Variants in MTUS2 observed in about 807,000 individuals in gnomAD.
The protein encoded by MTUS2 is microtubule-associated tumor suppressor candidate 2.
Under a neutral mutation model 114.1 loss-of-function variants are expected in MTUS2, and 40 were observed. The ratio of observed to expected loss-of-function variants is 0.35; its 90% CI spans 0.27 to 0.46. The LOEUF is 0.46. MTUS2 is among the 20% of genes least tolerant of loss of function. The probability of loss-of-function intolerance (pLI) is 1.00; values close to 1 mark genes in which losing one functional copy is unlikely to be tolerated. For missense variants in MTUS2, 1,679 were observed against 1,705.4 expected, an observed-to-expected ratio of 0.98 and a Z score of 0.27; for synonymous variants, 688 against 672.0, an observed-to-expected ratio of 1.02 and a Z score of -0.37.
At chr13:29,197,101 T>G (rs543586042) in intron 5 of MTUS2, among the ~76,000 whole-genome samples, 35 of 152,294 alleles carry the variant, frequency 2.3e-4, no homozygotes, top group African/African-American at 8.4e-4. Context: ...GTGCAGAATG[T>G]GTAGGTTTGT....
intron 8 of MTUS2, among the ~76,000 whole-genome samples, chr13:29,403,680 G>A (rs960559686): frequency 6.6e-6 from 1 of 152,156 alleles, no homozygotes; most frequent in Non-Finnish European, 1.5e-5. Context: ...CTGCCTACTG[G>A]CTCATATTGA....
At chr13:29,390,189 T>A (rs528186049) in intron 8 of MTUS2, among the ~76,000 whole-genome samples, 2 of 150,724 alleles carry the variant, frequency 1.3e-5, no homozygotes, top group Non-Finnish European at 3.0e-5. Context: ...TATGAATATA[T>A]ATTTTTTCTA....
chr13:29,244,983 T>TAAAAAAAAAAAAAAAAA (rs1156962360), intron 5 of MTUS2, among the ~76,000 whole-genome samples: 3 of 98,572 alleles, frequency 3.0e-5, no homozygotes, highest in Admixed American at 9.7e-5. Context: ...AAAAAAAAAG[T>TAAAAAAAAAAAAAAAAA]AAAAGTCTGT....
chr13:29,200,521 G>GTTTTTTTTTTTTTTTTT (rs56965083), intron 5 of MTUS2, among the ~76,000 whole-genome samples: 12 of 85,430 alleles, frequency 1.4e-4, no homozygotes, highest in East Asian at 3.4e-4. Context: ...TTCTTTTTCT[G>GTTTTTTTTTTTTTTTTT]TTTTTTTTTT....
intron 8 of MTUS2, among the ~76,000 whole-genome samples, chr13:29,373,825 A>G (rs1871371992): frequency 6.6e-6 from 1 of 152,258 alleles, no homozygotes; most frequent in Non-Finnish European, 1.5e-5. Context: ...AACACAATTT[A>G]AAACTATTTA....
chr13:29,024,315 G>C (rs1041327322), intron 2 of MTUS2, 142 bp from the exon 3 acceptor site: 1 of 211,956 alleles, frequency 4.7e-6, no homozygotes, highest in Non-Finnish European at 9.4e-6. Flanking sequence ...GAGGAGCCCT[G>C]ATCAGAAAGG....
chr13:29,300,128 A>C (rs984572050), intron 6 of MTUS2, among the ~76,000 whole-genome samples: 10 of 152,208 alleles, frequency 6.6e-5, no homozygotes, highest in Admixed American at 6.5e-4. Context: ...GCTTTCATCA[A>C]AACAATAGCA....
intron 5 of MTUS2, among the ~76,000 whole-genome samples, chr13:29,202,584 G>A (rs1018721244): frequency 2.0e-5 from 3 of 152,096 alleles, no homozygotes; most frequent in African/African-American, 7.2e-5. Flanking sequence ...AGGAGAAGAG[G>A]CATTCTGGTT....
intron 8 of MTUS2, among the ~76,000 whole-genome samples, chr13:29,419,055 A>G (rs1875885159): frequency 6.6e-6 from 1 of 152,140 alleles, no homozygotes; most frequent in Admixed American, 6.6e-5. Context: ...AGCCTGACCT[A>G]ACTTTTTGTT....
At chr13:29,367,024 T>C (rs1870779364) in intron 8 of MTUS2, among the ~76,000 whole-genome samples, 1 of 152,134 alleles carries the variant, frequency 6.6e-6, no homozygotes, top group Non-Finnish European at 1.5e-5. Context: ...GAATGGTCCA[T>C]CCTAATCATT....
chr13:29,312,112 T>C (rs1899795148), intron 6 of MTUS2, among the ~76,000 whole-genome samples: 1 of 152,196 alleles, frequency 6.6e-6, no homozygotes, highest in African/African-American at 2.4e-5. Flanking sequence ...ATACTTCATG[T>C]CTCAGCTCAA....
intron 4 of MTUS2, among the ~76,000 whole-genome samples, chr13:29,063,612 A>T (rs1888522060): frequency 6.6e-6 from 1 of 152,174 alleles, no homozygotes; most frequent in South Asian, 2.1e-4. Context: ...ATTTTTTTAA[A>T]TAGGATGAAT....
At chr13:29,413,512 C>G (rs1333600011) in intron 8 of MTUS2, among the ~76,000 whole-genome samples, 1 of 120,238 alleles carries the variant, frequency 8.3e-6, no homozygotes, top group African/African-American at 3.3e-5. Context: ...TCAGAGTGAA[C>G]AGGCAACCTA....
chr13:29,341,493 A>AT (rs935725993), intron 7 of MTUS2, among the ~76,000 whole-genome samples: 2 of 151,602 alleles, frequency 1.3e-5, no homozygotes, highest in East Asian at 1.9e-4. Flanking sequence ...TGATGGGATT[A>AT]TTTTTTTCTT....
At chr13:29,023,773 A>T (rs1886390686) in intron 2 of MTUS2, among the ~76,000 whole-genome samples, 1 of 152,144 alleles carries the variant, frequency 6.6e-6, no homozygotes, top group Admixed American at 6.5e-5. Flanking sequence ...CTCAATTTAA[A>T]TTTGCCAGAT....
At chr13:29,388,471 C>T (rs938199548) in intron 8 of MTUS2, among the ~76,000 whole-genome samples, 2 of 151,174 alleles carry the variant, frequency 1.3e-5, no homozygotes, top group Non-Finnish European at 2.9e-5. Flanking sequence ...TGAGGCTAAA[C>T]TTCCTTCTCT....
intron 2 of MTUS2, among the ~76,000 whole-genome samples, chr13:28,997,190 T>G (rs979140852): frequency 5.9e-5 from 9 of 152,180 alleles, no homozygotes; most frequent in African/African-American, 2.2e-4. Context: ...TCAGTTTCCA[T>G]GTAGTTGAGC....
chr13:29,493,518 G>A (rs545876128), intron 12 of MTUS2, among the ~76,000 whole-genome samples: 8 of 152,270 alleles, frequency 5.3e-5, no homozygotes, highest in Admixed American at 1.3e-4. Flanking sequence ...GCTGTAACAC[G>A]TAGGCAGGAA....
intron 4 of MTUS2, among the ~76,000 whole-genome samples, chr13:29,063,298 A>G (rs966821673): frequency 6.6e-6 from 1 of 151,934 alleles, no homozygotes; most frequent in African/African-American, 2.4e-5. Flanking sequence ...ATTTGTGCAT[A>G]TGGTAAATGC....
Sources: allele counts gnomAD v4.1 joint callset (sites outside exome capture counted in the v4.1 genomes callset), GRCh38; gene constraint gnomAD v4.1.1; transcripts MANE v1.5; gene names NCBI Gene and HGNC (gene_info 2026-07-23, HGNC 2026-07-21).